The following FAM110B variants were observed in gnomAD, a reference collection of about 807,000 sequenced individuals.
FAM110B encodes family with sequence similarity 110 member B.
In FAM110B, 6 loss-of-function variants were observed where a neutral mutation model predicts 20.4. The observed-to-expected ratio is 0.29, with a 90% CI of 0.16 to 0.58. The LOEUF (loss-of-function observed/expected upper bound fraction) is 0.58, where lower values mean the gene tolerates loss of function less well. FAM110B is among the 20% of genes least tolerant of loss of function. The pLI is 0.90. For missense variants in FAM110B, 434 were observed against 498.2 expected (o/e 0.87, Z 1.23); for synonymous variants, 226 against 214.1 (o/e 1.06, Z -0.49).
intron 3 of FAM110B, among the ~76,000 whole-genome samples, chr8:58,139,824 G>A (rs751825283): frequency 2.0e-5 from 3 of 152,148 alleles, no homozygotes; most frequent in Non-Finnish European, 4.4e-5. Context: ...CAGCTACTCG[G>A]AAGGCTGAGG....
At chr8:58,042,737 G>C (rs1222915768) in intron 2 of FAM110B, among the ~76,000 whole-genome samples, 2 of 152,184 alleles carry the variant, frequency 1.3e-5, no homozygotes, top group Non-Finnish European at 2.9e-5. Context: ...TGTATGTTGT[G>C]TTTTCTACTA....
chr8:58,003,789 C>G (rs1187524878), intron 1 of FAM110B, among the ~76,000 whole-genome samples: 1 of 152,186 alleles, frequency 6.6e-6, no homozygotes, highest in Non-Finnish European at 1.5e-5. Flanking sequence ...TTGTGTAGAG[C>G]ACTGAGAGAG....
intron 1 of FAM110B, among the ~76,000 whole-genome samples, chr8:57,996,148 C>G (rs757460850): frequency 5.2e-4 from 79 of 152,276 alleles, no homozygotes; most frequent in Non-Finnish European, 8.4e-4. Context: ...TAATGGTAAA[C>G]TAGAATCCTT....
At chr8:58,035,031 A>T (rs1198631078) in intron 2 of FAM110B, among the ~76,000 whole-genome samples, 1 of 152,224 alleles carries the variant, frequency 6.6e-6, no homozygotes, top group African/African-American at 2.4e-5. Flanking sequence ...AGCTTTGGTT[A>T]TGATTGACTA....
At chr8:58,079,598 G>C (rs565234612) in intron 3 of FAM110B, among the ~76,000 whole-genome samples, 45 of 152,058 alleles carry the variant, frequency 3.0e-4, no homozygotes, top group Non-Finnish European at 5.9e-4. Flanking sequence ...GCAACACTGT[G>C]AGACCCTGTC....
intron 2 of FAM110B, among the ~76,000 whole-genome samples, chr8:58,074,127 G>A (rs994446701): frequency 6.6e-6 from 1 of 152,156 alleles, no homozygotes; most frequent in African/African-American, 2.4e-5. Flanking sequence ...TGCCTAAGCT[G>A]GATGGTAGTC....
At chr8:58,049,665 G>A (rs947198225) in intron 2 of FAM110B, among the ~76,000 whole-genome samples, 5 of 152,112 alleles carry the variant, frequency 3.3e-5, no homozygotes, top group Non-Finnish European at 4.4e-5. Flanking sequence ...GAAATTGCTC[G>A]TTTCAATTCC....
chr8:58,027,038 CACA>C (rs1804867854), intron 1 of FAM110B, among the ~76,000 whole-genome samples: 1 of 152,168 alleles, frequency 6.6e-6, no homozygotes, highest in South Asian at 2.1e-4. Context: ...GGTAGTCTTT[CACA>C]GTGTTTACCC....
intron 1 of FAM110B, among the ~76,000 whole-genome samples, chr8:58,017,660 TAGA>T (rs1414313801): frequency 2.6e-5 from 4 of 152,244 alleles, no homozygotes; most frequent in Non-Finnish European, 5.9e-5. Flanking sequence ...CTCAATCTCT[TAGA>T]AGATGTTTTC....
At chr8:58,122,754 C>A (rs887975007) in intron 3 of FAM110B, among the ~76,000 whole-genome samples, 2 of 151,978 alleles carry the variant, frequency 1.3e-5, no homozygotes, top group African/African-American at 2.4e-5. Flanking sequence ...TCCTTCAGGT[C>A]GCTTTTGTTC....
chr8:58,010,241 C>T (rs1245299459), intron 1 of FAM110B, among the ~76,000 whole-genome samples: 3 of 150,958 alleles, frequency 2.0e-5, no homozygotes, highest in African/African-American at 4.9e-5. Flanking sequence ...ACACTGGTCT[C>T]GAACTCCTGA....
At chr8:58,081,992 C>T (rs865846524) in intron 3 of FAM110B, among the ~76,000 whole-genome samples, 23 of 152,108 alleles carry the variant, frequency 1.5e-4, no homozygotes, top group Admixed American at 3.9e-4. Flanking sequence ...AAACTTTTGC[C>T]TTCATCAAAG....
chr8:58,083,274 GAGAAGAAAC>G (rs1806249029), intron 3 of FAM110B, among the ~76,000 whole-genome samples: 1 of 152,142 alleles, frequency 6.6e-6, no homozygotes, highest in South Asian at 2.1e-4. Flanking sequence ...AACAAAAGAG[GAGAAGAAAC>G]AGAAGAAACT....
intron 3 of FAM110B, among the ~76,000 whole-genome samples, chr8:58,109,891 C>A (rs1032551693): frequency 6.6e-6 from 1 of 152,138 alleles, no homozygotes; most frequent in Non-Finnish European, 1.5e-5. Flanking sequence ...CAGTTTATTG[C>A]GGGTTATTCA....
intron 3 of FAM110B, among the ~76,000 whole-genome samples, chr8:58,119,131 A>G (rs1002747369): frequency 6.6e-6 from 1 of 152,220 alleles, no homozygotes; most frequent in Non-Finnish European, 1.5e-5. Context: ...TTCCTGAAGA[A>G]AGTTCGTGTG....
intron 3 of FAM110B, among the ~76,000 whole-genome samples, chr8:58,116,285 T>C (rs1807210848): frequency 6.6e-6 from 1 of 152,180 alleles, no homozygotes; most frequent in Non-Finnish European, 1.5e-5. Context: ...GAAAGCTCCC[T>C]CTAACCCGTG....
chr8:58,077,193 C>T (rs905691198), intron 3 of FAM110B: 3 of 152,228 alleles, frequency 2.0e-5, no homozygotes, highest in African/African-American at 7.2e-5. Context: ...CATCTGCCAT[C>T]GCCAGCACTT....
At chr8:58,016,502 G>A (rs1258603561) in intron 1 of FAM110B, among the ~76,000 whole-genome samples, 1 of 152,220 alleles carries the variant, frequency 6.6e-6, no homozygotes, top group African/African-American at 2.4e-5. Context: ...GCTACCTGCT[G>A]GTGGGAGCGG....
intron 3 of FAM110B, chr8:58,113,630 A>G (rs1585897533): frequency 6.4e-6 from 1 of 157,024 alleles, no homozygotes; most frequent in African/African-American, 2.4e-5. Context: ...CGTTTTGGCC[A>G]CTACCAGTTC....
Sources: allele counts gnomAD v4.1 joint callset (sites outside exome capture counted in the v4.1 genomes callset), GRCh38; gene constraint gnomAD v4.1.1; transcripts MANE v1.5; gene names NCBI Gene and HGNC (gene_info 2026-07-23, HGNC 2026-07-21).